DACH2: variants seen among roughly 807,000 people sequenced by gnomAD.
The protein encoded by DACH2 is dachshund homolog 2.
DACH2 carries 17 observed loss-of-function variants against 35.8 expected under a neutral mutation model. That is an observed-to-expected ratio of 0.48 (90% confidence interval 0.33 to 0.71). The LOEUF (loss-of-function observed/expected upper bound fraction) is 0.71. Among genes scored for constraint, DACH2 ranks in the 30% least tolerant of loss-of-function variants. The pLI is 0.02. For missense variants in DACH2, 469 were observed against 472.7 expected (o/e 0.99, Z 0.07); for synonymous variants, 195 against 177.3 (o/e 1.10, Z -0.79).
intron 1 of DACH2, among the ~76,000 whole-genome samples, chrX:86,185,204 T>G (rs1018036426): frequency 1.1e-4 from 12 of 111,957 alleles, no homozygotes; most frequent in Non-Finnish European, 2.1e-4. Context: ...AGTGATCTTT[T>G]GAAAAACCTA....
intron 1 of DACH2, among the ~76,000 whole-genome samples, chrX:86,161,970 A>G (rs1210662896): frequency 8.9e-6 from 1 of 112,302 alleles, no homozygotes; most frequent in Non-Finnish European, 1.9e-5. Context: ...GAATAAAGGA[A>G]TGACTACTCC....
chrX:86,282,437 A>G (rs905422526), intron 1 of DACH2, among the ~76,000 whole-genome samples: 1 of 111,879 alleles, frequency 8.9e-6, no homozygotes, highest in African/African-American at 3.3e-5. Flanking sequence ...TGTTGGGAAA[A>G]CTGGCTAGCC....
At chrX:86,324,003 G>A (rs55657926) in intron 1 of DACH2, among the ~76,000 whole-genome samples, 15,563 of 111,370 alleles carry the variant, frequency 0.14, 1,071 homozygotes, top group Non-Finnish European at 0.21. Context: ...TGATGAATTT[G>A]CCTTCTAATC....
At chrX:86,385,431 G>T (rs747479601) in intron 2 of DACH2, among the ~76,000 whole-genome samples, 2 of 110,416 alleles carry the variant, frequency 1.8e-5, no homozygotes, top group African/African-American at 6.5e-5. Flanking sequence ...TATTTGAAAA[G>T]AAAAACAATA....
Position 86,472,802 on chromosome X carries a change from A to G in DACH2, c.528-41477A>G, listed in dbSNP as rs189975694. On this transcript the variant is annotated intron_variant, in intron 2 of 11. Coordinates refer to ENST00000373125, the MANE Select transcript of DACH2 (RefSeq NM_053281.3). The stretch of plus-strand genomic sequence containing the variant: ...GGAGGATTTGAAGAAAGGGTGGAAA[A>G]TGAACTCTGAATGCTGGAGCATTTG... Among the ~76,000 whole-genome samples, 4 of 111,993 alleles carry G rather than the reference A, an allele frequency of 3.6e-5. No individual in the cohort carries two copies. The Admixed American group carries it at 3.8e-4, about 11-fold the overall frequency.
Position 86,535,974 on chromosome X carries a change from C to G in DACH2, c.640+21583C>G, listed in dbSNP as rs1224976953. On this transcript the variant is annotated intron_variant, in intron 3 of 11. Transcript: ENST00000373125. The stretch of plus-strand genomic sequence containing the variant: ...AGCGGCACGGCAAAGGAGACAGGAT[C>G]TCACAGGATTTTATAAATTGTGTTA... Among the ~76,000 whole-genome samples, 3 of 110,883 alleles carry G rather than the reference C, an allele frequency of 2.7e-5. No individual in the cohort carries two copies. In the Admixed American group the frequency reaches 2.9e-4, roughly 11 times the overall value.
intron 2 of DACH2, among the ~76,000 whole-genome samples, chrX:86,485,928 T>A (rs186977208): frequency 1.7e-3 from 189 of 112,098 alleles, no homozygotes; most frequent in African/African-American, 5.9e-3. Flanking sequence ...TTCATAGTTC[T>A]TAAATGCCAG....
chrX:86,550,029 A>G (rs1467394473), intron 3 of DACH2, among the ~76,000 whole-genome samples: 2 of 111,684 alleles, frequency 1.8e-5, no homozygotes, highest in Non-Finnish European at 3.8e-5. Context: ...GTATATCTGT[A>G]AAGATAATTG....
intron 11 of DACH2, chrX:86,830,496 C>A (rs1020648903): frequency 4.2e-4 from 47 of 111,328 alleles, no homozygotes; most frequent in African/African-American, 1.5e-3. Flanking sequence ...GGGAACTATT[C>A]CTAATAGGCC....
At chrX:86,525,379 C>A (rs1011030049) in intron 3 of DACH2, among the ~76,000 whole-genome samples, 1 of 111,443 alleles carries the variant, frequency 9.0e-6, no homozygotes, top group Admixed American at 9.6e-5. Context: ...CTTTAATTTT[C>A]TTTTTTGCTC....
At chrX:86,179,920 T>C (rs750387414) in intron 1 of DACH2, among the ~76,000 whole-genome samples, 3 of 108,785 alleles carry the variant, frequency 2.8e-5, no homozygotes. Context: ...TATAGTCCCC[T>C]TACTGAGGGA....
At chrX:86,394,470 T>C (rs1180880321) in intron 2 of DACH2, among the ~76,000 whole-genome samples, 2 of 111,298 alleles carry the variant, frequency 1.8e-5, no homozygotes, top group Non-Finnish European at 3.8e-5. Flanking sequence ...TCTGAAAAAT[T>C]TAAAATGTAT....
rs765582731 is a variant in DACH2 at position 86,454,525 on chromosome X, A to C, written c.528-59754A>C. Among the ~76,000 whole-genome samples, 6 of 112,148 alleles carry C rather than the reference A, an allele frequency of 5.4e-5. No homozygotes were observed. The South Asian group carries it at 2.2e-3, about 42-fold the overall frequency. ...TCTGACTGTCTTATTTCAGAAAGAT[A>C]GTCTTCAAGTTCTGAGATTCTTTCC... On this transcript the variant is annotated intron_variant, in intron 2 of 11. Transcript: ENST00000373125.
At chrX:86,465,518 A>T (rs1361971037) in intron 2 of DACH2, among the ~76,000 whole-genome samples, 1 of 111,806 alleles carries the variant, frequency 8.9e-6, no homozygotes, top group East Asian at 2.8e-4. Flanking sequence ...TGGAATTTTG[A>T]CAATCTGGAA....
intron 1 of DACH2, among the ~76,000 whole-genome samples, chrX:86,320,098 G>A (rs2034988519): frequency 9.0e-6 from 1 of 111,303 alleles, no homozygotes; most frequent in Non-Finnish European, 1.9e-5. Context: ...GGGATTTGTG[G>A]CAACTTTTCT....
intron 1 of DACH2, among the ~76,000 whole-genome samples, chrX:86,307,001 A>T (rs1306459266): frequency 1.8e-5 from 2 of 111,690 alleles, no homozygotes; most frequent in Non-Finnish European, 3.8e-5. Context: ...CTTGGCATGA[A>T]CTATTTAGAT....
chrX:86,783,381 G>T (rs1209891465), intron 7 of DACH2, among the ~76,000 whole-genome samples: 2 of 112,017 alleles, frequency 1.8e-5, no homozygotes, highest in Admixed American at 9.4e-5. Flanking sequence ...TCTAAATTGA[G>T]TTACCATATG....
At chrX:86,315,088 A>G in intron 1 of DACH2, among the ~76,000 whole-genome samples, 1 of 112,151 alleles carries the variant, frequency 8.9e-6, no homozygotes, top group East Asian at 2.8e-4. Context: ...CAAAACGTCA[A>G]AAGACAGGCT....
At chrX:86,560,735 T>A (rs2039206941) in intron 3 of DACH2, among the ~76,000 whole-genome samples, 1 of 73,450 alleles carries the variant, frequency 1.4e-5, no homozygotes, top group Non-Finnish European at 2.6e-5. Context: ...TTACACCTTA[T>A]ACAAAAATCA....
Sources: allele counts gnomAD v4.1 joint callset (sites outside exome capture counted in the v4.1 genomes callset), GRCh38; gene constraint gnomAD v4.1.1; transcripts MANE v1.5; gene names NCBI Gene and HGNC (gene_info 2026-07-23, HGNC 2026-07-21).